TUBGCP5: variants seen among roughly 807,000 people sequenced by gnomAD.
The protein encoded by TUBGCP5 is tubulin gamma complex component 5.
Under a neutral mutation model 134.7 loss-of-function variants are expected in TUBGCP5, and 98 were observed. The observed-to-expected ratio is 0.73, with a 90% CI of 0.62 to 0.86. TUBGCP5 has a LOEUF of 0.86. Among genes scored for constraint, TUBGCP5 ranks in the 40% least tolerant of loss-of-function variants. The probability of loss-of-function intolerance (pLI) is 0.00; values close to 1 mark genes in which losing one functional copy is unlikely to be tolerated. For missense variants in TUBGCP5, 1,150 were observed against 1,244.8 expected, an observed-to-expected ratio of 0.92 and a Z score of 1.15; for synonymous variants, 456 against 431.4, an observed-to-expected ratio of 1.06 and a Z score of -0.71.
rs371708585 is a variant in TUBGCP5, at chr15:23,039,445, T to A, written c.99A>T (p.Ala33=). Residue 33 remains alanine (A), a synonymous_variant, in exon 1 of 23, where the codon GCA becomes GCT. Transcript: ENST00000615383. The part of the protein sequence containing the change: ...VRGVAGLQDE[A]DPNFQLALNF... ...TTAGGGCGAGCTGGAAGTTGGGGTC[T>A]GCCTCGTCCTGGAGGCCGGCGACAC... The A allele has an allele frequency of 2.9e-4, 442 of 1,543,682 alleles. 1 individual carries two copies. The highest frequency in any genetic ancestry group is 3.8e-4 in the Non-Finnish European group (429 of 1,141,710).
At chr15:22,983,037 T>A (rs2063582483), downstream of TUBGCP5, among the ~76,000 whole-genome samples, 4 of 152,156 alleles carry the variant, frequency 2.6e-5, no homozygotes, top group South Asian at 8.3e-4. Flanking sequence ...GATTTGAACT[T>A]CTCTCTATTA....
intron 23 of TUBGCP5, among the ~76,000 whole-genome samples, chr15:22,985,751 C>CT (rs2063657852): frequency 6.6e-6 from 1 of 152,054 alleles, no homozygotes; most frequent in Non-Finnish European, 1.5e-5. Flanking sequence ...AGGAGAATCG[C>CT]TTGAACCCAG....
intron 14 of TUBGCP5, among the ~76,000 whole-genome samples, chr15:23,010,365 A>G (rs112653054): frequency 3.3e-5 from 5 of 152,330 alleles, no homozygotes; most frequent in Non-Finnish European, 7.4e-5. Context: ...GGCTGGACAC[A>G]GCAAATGCTG....
chr15:22,988,850 T>G (rs1277341451), intron 23 of TUBGCP5, among the ~76,000 whole-genome samples: 2 of 151,852 alleles, frequency 1.3e-5, no homozygotes, highest in African/African-American at 4.8e-5. Flanking sequence ...CACTGCAACC[T>G]CCGATTCCCT....
At chr15:23,025,619 T>C (rs919233039) in intron 8 of TUBGCP5, among the ~76,000 whole-genome samples, 3 of 152,038 alleles carry the variant, frequency 2.0e-5, no homozygotes, top group African/African-American at 7.2e-5. Context: ...GATCATGAGG[T>C]CAGGAGATCT....
downstream of TUBGCP5, among the ~76,000 whole-genome samples, chr15:22,983,041 TC>T (rs1327545546): frequency 2.6e-5 from 4 of 152,184 alleles, no homozygotes; most frequent in Non-Finnish European, 5.9e-5. Context: ...TGAACTTCTC[TC>T]TATTAGTAAT....
downstream of TUBGCP5, among the ~76,000 whole-genome samples, chr15:22,998,303 A>G (rs1393591130): frequency 6.6e-6 from 1 of 152,188 alleles, no homozygotes; most frequent in Non-Finnish European, 1.5e-5. Context: ...TAACAGAGTG[A>G]GCCTCCACAT....
rs1055450571 is a variant in TUBGCP5, at chr15:23,017,950, T to C, written c.1579A>G (p.Met527Val). 1.2e-6 allele frequency: 2 copies of C among 1,614,218 alleles called. No homozygotes were observed. Among genetic ancestry groups the C allele is most frequent in the Non-Finnish European group, 1.7e-6 (2 of 1,180,026 alleles). ...GAACTCGCACTAGCGTTATCACTCA[T>C]TTTTTCTTCATTTTCTGTCTTTTCT... ...VSEKTENEEK[M>V]SDNASASSGS... is the part of the protein sequence containing the mutation. The change falls in exon 13 of 23, where the codon ATG becomes GTG. Residue 527 changes from methionine to valine, a missense_variant. Coordinates refer to ENST00000615383, the MANE Select transcript of TUBGCP5 (RefSeq NM_052903.6).
intron 13 of TUBGCP5, among the ~76,000 whole-genome samples, chr15:23,011,973 G>C (rs899267118): frequency 2.0e-5 from 3 of 151,682 alleles, no homozygotes; most frequent in African/African-American, 7.3e-5. Context: ...GCTGAGTGCA[G>C]TGGAATGTGC....
At chr15:23,017,643 G>T in intron 13 of TUBGCP5, 130 bp downstream of exon 13, 1 of 903,286 alleles carries the variant, frequency 1.1e-6, no homozygotes, top group Non-Finnish European at 1.6e-6. Context: ...CAACCATGAC[G>T]ATAATTGCCA....
At chr15:23,012,439 A>C (rs1419025149) in intron 13 of TUBGCP5, among the ~76,000 whole-genome samples, 1 of 151,760 alleles carries the variant, frequency 6.6e-6, no homozygotes, top group Non-Finnish European at 1.5e-5. Context: ...ATGGAGTCTC[A>C]CTCTGTCACC....
At position 23,032,315 on chromosome 15, in the gene TUBGCP5, C is replaced by T. The variant is rs187003961; in HGVS notation, c.407-286G>A. Among the ~76,000 whole-genome samples, 70 of 152,208 alleles carry T rather than the reference C, an allele frequency of 4.6e-4. 1 individual carries two copies. In the East Asian group the frequency reaches 0.012, roughly 26 times the overall value. On this transcript the variant is annotated intron_variant, in intron 4 of 22. Coordinates refer to ENST00000615383, the MANE Select transcript of TUBGCP5 (RefSeq NM_052903.6). ...GAATTGGTTCCAGGAGGTACACCAC[C>T]CTCCGCAATGCTCAAGGCTGACAGA...
chr15:22,986,133 C>CAA lies in TUBGCP5; in HGVS notation c.*62-2524_*62-2523dup, dbSNP rs35699215. Among the ~76,000 whole-genome samples, 46 of 114,100 alleles carry CAA rather than the reference C, an allele frequency of 4.0e-4. No individual in the cohort carries two copies. In the South Asian group the frequency reaches 4.4e-3, roughly 11 times the overall value. The allele number at this position is 114,100 out of a possible 152,430, so 74.9% of individuals were successfully genotyped here. ...TGGGCGACAGAGCAAGACTCTGTCT[C>CAA]AAAAAAAAAAAAAAAATAATAATAA... is the stretch of plus-strand genomic sequence containing the variant. On this transcript the variant is annotated intron_variant and NMD_transcript_variant, in intron 23 of 23. Transcript: ENST00000614508.
chr15:23,001,906 T>C (rs567160535), intron 21 of TUBGCP5, among the ~76,000 whole-genome samples: 2 of 152,180 alleles, frequency 1.3e-5, no homozygotes, highest in Non-Finnish European at 2.9e-5. Context: ...CTCAAAAATA[T>C]CATCTAATAG....
chr15:23,022,725 C>G lies in TUBGCP5; in HGVS notation c.1169-564G>C, dbSNP rs747683519. Reference sequence around the variant, plus strand: ...TCAGGTCTGCAGTTTGGCTAATGTGCTGTGTCAATGTCAGTTTCCCAGTTT... The same window carrying G: ...TCAGGTCTGCAGTTTGGCTAATGTGGTGTGTCAATGTCAGTTTCCCAGTTT... On this transcript the variant is annotated intron_variant, in intron 10 of 22. Transcript: ENST00000615383. 2.0e-5 allele frequency among the ~76,000 whole-genome samples: 3 copies of G among 152,226 alleles called. No individual in the cohort carries two copies. In the East Asian group the frequency reaches 5.8e-4, roughly 29 times the overall value.
chr15:23,001,649 C>T (rs1377109340), intron 21 of TUBGCP5, among the ~76,000 whole-genome samples: 1 of 147,656 alleles, frequency 6.8e-6, no homozygotes, highest in Non-Finnish European at 1.5e-5. Context: ...GGCTTTCTTT[C>T]TTTCTTTTTT....
intron 5 of TUBGCP5, among the ~76,000 whole-genome samples, 192 bp from the exon 6 acceptor site, chr15:23,031,212 T>C (rs559384448): frequency 2.6e-5 from 4 of 152,302 alleles, no homozygotes; most frequent in African/African-American, 9.6e-5. Context: ...CTACTTTTTC[T>C]TTTTTTCTAT....
At chr15:23,000,723 G>T in intron 21 of TUBGCP5, 54 bp from the exon 22 acceptor site, 1 of 1,312,948 alleles carries the variant, frequency 7.6e-7, no homozygotes, top group Non-Finnish European at 1.1e-6. Flanking sequence ...TATATAGGTA[G>T]GCTTCAAGAT....
chr15:22,987,197 G>C (rs1031803233), intron 23 of TUBGCP5, among the ~76,000 whole-genome samples: 1 of 152,016 alleles, frequency 6.6e-6, no homozygotes, highest in Non-Finnish European at 1.5e-5. Flanking sequence ...AACCGGGCGT[G>C]GTGGAACATG....
Sources: allele counts gnomAD v4.1 joint callset (sites outside exome capture counted in the v4.1 genomes callset), GRCh38; gene constraint gnomAD v4.1.1; transcripts MANE v1.5; gene names NCBI Gene and HGNC (gene_info 2026-07-23, HGNC 2026-07-21).